The following AGPAT3 variants were observed in gnomAD, a reference collection of about 807,000 sequenced individuals.
AGPAT3 encodes 1-acyl-sn-glycerol-3-phosphate acyltransferase gamma.
A neutral mutation model predicts 47.3 loss-of-function variants in AGPAT3; 5 were observed. The ratio of observed to expected loss-of-function variants is 0.11; its 90% CI spans 0.06 to 0.22. The LOEUF (loss-of-function observed/expected upper bound fraction) is 0.22. Ranked by LOEUF, AGPAT3 falls within the 10% of genes least tolerant of loss-of-function variation. AGPAT3 has a pLI of 1.00. For synonymous variants in AGPAT3, 212 were observed against 208.3 expected (o/e 1.02, Z -0.15); for missense variants, 315 against 493.0 (o/e 0.64, Z 3.42).
intron 2 of AGPAT3, among the ~76,000 whole-genome samples, chr21:43,904,585 A>G (rs1473529519): frequency 1.3e-5 from 2 of 152,114 alleles, no homozygotes; most frequent in Non-Finnish European, 2.9e-5. Context: ...CGCGCTCCTC[A>G]GGAAGCCCTG....
At chr21:43,929,784 G>A (rs753920312) in intron 2 of AGPAT3, among the ~76,000 whole-genome samples, 1 of 152,232 alleles carries the variant, frequency 6.6e-6, no homozygotes, top group South Asian at 2.1e-4. Context: ...GGGCCCGTGA[G>A]TGCTGGGCCT....
intron 1 of AGPAT3, among the ~76,000 whole-genome samples, chr21:43,877,543 AG>A (rs1214654070): frequency 6.6e-6 from 1 of 152,004 alleles, no homozygotes; most frequent in Non-Finnish European, 1.5e-5. Flanking sequence ...CCCGGGTTCA[AG>A]TGATTCTCCT....
At chr21:43,875,804 C>T (rs1470898777) in intron 1 of AGPAT3, among the ~76,000 whole-genome samples, 1 of 152,222 alleles carries the variant, frequency 6.6e-6, no homozygotes, top group Non-Finnish European at 1.5e-5. Context: ...GACGGGGTTT[C>T]ACCCATTTGG....
intron 2 of AGPAT3, among the ~76,000 whole-genome samples, chr21:43,905,098 G>A (rs1276056158): frequency 6.6e-6 from 1 of 151,966 alleles, no homozygotes; most frequent in Non-Finnish European, 1.5e-5. Context: ...GGTGCTGAAT[G>A]CCTCCATAGT....
chr21:43,875,128 C>T (rs973879862), intron 1 of AGPAT3, among the ~76,000 whole-genome samples: 1 of 152,056 alleles, frequency 6.6e-6, no homozygotes, highest in African/African-American at 2.4e-5. Flanking sequence ...TTACAGGCGC[C>T]CACCACCACG....
chr21:43,923,141 C>G (rs1601317254), intron 2 of AGPAT3, among the ~76,000 whole-genome samples: 1 of 152,072 alleles, frequency 6.6e-6, no homozygotes, highest in East Asian at 1.9e-4. Flanking sequence ...ATGAGGCTCG[C>G]AGCCTCGGGG....
chr21:43,970,399 T>C lies in AGPAT3; in HGVS notation c.511-254T>C, dbSNP rs1330759602. Among the ~76,000 whole-genome samples, 1 of 152,258 alleles carries C rather than the reference T, an allele frequency of 6.6e-6. No individual in the cohort carries two copies. Among genetic ancestry groups the C allele is most frequent in the Non-Finnish European group, 1.5e-5 (1 of 68,046 alleles). On this transcript the variant is annotated intron_variant, in intron 5 of 9. Transcript: ENST00000291572. The surrounding 1 kb of genome is among the most constrained non-coding windows in gnomAD (Gnocchi z 5.8). ...AGGCTGCTGCCCCAACACACCTTCA[T>C]GTTTCACTTCTTTCTGGAAAGTTCT... is the stretch of plus-strand genomic sequence containing the variant.
intron 2 of AGPAT3, among the ~76,000 whole-genome samples, chr21:43,950,287 C>T (rs887878477): frequency 3.3e-5 from 5 of 152,230 alleles, no homozygotes; most frequent in Admixed American, 6.5e-5. Flanking sequence ...GCTACACAAT[C>T]GTCTGCACAG....
At chr21:43,956,174 T>C (rs546101722) in intron 2 of AGPAT3, among the ~76,000 whole-genome samples, 2 of 152,290 alleles carry the variant, frequency 1.3e-5, no homozygotes, top group East Asian at 3.9e-4. Context: ...ACTCAGGATC[T>C]GGTCGAATAT....
At chr21:43,959,080 TGTG>T (rs769448359) in intron 2 of AGPAT3, among the ~76,000 whole-genome samples, 847 of 54,742 alleles carry the variant, frequency 0.015, no homozygotes, top group Non-Finnish European at 0.018. Flanking sequence ...GTGTGTGGTT[TGTG>T]GTGTGTGTGT....
intron 1 of AGPAT3, among the ~76,000 whole-genome samples, chr21:43,872,803 C>T (rs1008701205): frequency 2.6e-5 from 4 of 152,204 alleles, no homozygotes; most frequent in Non-Finnish European, 4.4e-5. Flanking sequence ...TGCTGCCTTC[C>T]GGTGTGGGTA....
In AGPAT3 at chr21:43,954,302, A is replaced by AGGCG. The variant is rs778963801; in HGVS notation, c.-48-5328_-48-5325dup. Among the ~76,000 whole-genome samples, 2 of 152,184 alleles carry AGGCG rather than the reference A, an allele frequency of 1.3e-5. No individual in the cohort carries two copies. Among genetic ancestry groups the AGGCG allele is most frequent in the Non-Finnish European group, 2.9e-5 (2 of 68,024 alleles). On this transcript the variant is annotated intron_variant, in intron 2 of 9. Transcript: ENST00000291572. The surrounding 1 kb of genome is among the most constrained non-coding windows in gnomAD (Gnocchi z 4.0). ...GCAGTCAGGTTTATCAAGGAGGTCC[A>AGGCG]GGCGGGCTGGGTGTGGGGAGGTGGA... is the stretch of plus-strand genomic sequence containing the variant.
chr21:43,969,628 A>G (rs2089309040), intron 5 of AGPAT3, among the ~76,000 whole-genome samples: 2 of 152,172 alleles, frequency 1.3e-5, no homozygotes, highest in Admixed American at 1.3e-4. Flanking sequence ...CTGTCTTGGA[A>G]AATGGGCTGC....
At chr21:43,873,899 T>C (rs980585798) in intron 1 of AGPAT3, among the ~76,000 whole-genome samples, 10 of 152,240 alleles carry the variant, frequency 6.6e-5, no homozygotes, top group African/African-American at 2.2e-4. Flanking sequence ...ATCACTAATT[T>C]CTGCTCATTG....
rs111752908 is a variant in AGPAT3, at chr21:43,962,225, A to G, written c.178+2366A>G. On this transcript the variant is annotated intron_variant, in intron 3 of 9. Transcript: ENST00000291572. ...CACTGTGTTAGCCAGGATGGTTTTG[A>G]TCTCCTGACCTCGTGATCTGCCCAC... Among the ~76,000 whole-genome samples, 1,091 of 151,890 alleles carry G rather than the reference A, an allele frequency of 7.2e-3. 12 individuals carry two copies. The highest frequency in any genetic ancestry group is 0.024 in the African/African-American group (990 of 41,400).
chr21:43,868,831 C>T (rs2085563026), intron 1 of AGPAT3, among the ~76,000 whole-genome samples: 1 of 152,130 alleles, frequency 6.6e-6, no homozygotes, highest in Admixed American at 6.5e-5. Context: ...TGGTATTGCC[C>T]CATCACACAG....
chr21:43,942,896 T>A (rs2087712684), intron 2 of AGPAT3, among the ~76,000 whole-genome samples: 1 of 152,042 alleles, frequency 6.6e-6, no homozygotes, highest in Non-Finnish European at 1.5e-5. Context: ...ACCTGTGTTG[T>A]ATACAGAGAA....
At chr21:43,973,599 C>T (rs1241336395) in intron 7 of AGPAT3, among the ~76,000 whole-genome samples, 3 of 152,240 alleles carry the variant, frequency 2.0e-5, no homozygotes, top group Admixed American at 6.5e-5. Context: ...TCCTCCCTGC[C>T]GCTGCCTTTA....
intron 2 of AGPAT3, among the ~76,000 whole-genome samples, chr21:43,907,681 C>T (rs1235627234): frequency 2.0e-5 from 3 of 152,214 alleles, no homozygotes; most frequent in Non-Finnish European, 2.9e-5. Context: ...CGCGCCACTG[C>T]ACTCCAGCCT....
Sources: gnomAD v4.1 joint callset for allele counts (sites outside exome capture counted in the v4.1 genomes callset) on GRCh38, gnomAD v4.1.1 for gene constraint, Gnocchi (gnomAD v3.1) non-coding constraint, MANE v1.5 for transcripts, NCBI Gene and HGNC (gene_info 2026-07-23, HGNC 2026-07-21) for gene names.